Variants in UBL3 observed in about 807,000 individuals in gnomAD.
UBL3 encodes ubiquitin like 3, also known as ubiquitin-like protein 3.
A neutral mutation model predicts 18.4 loss-of-function variants in UBL3; 6 were observed. That is an observed-to-expected ratio of 0.33 (90% CI 0.18 to 0.64). The LOEUF (loss-of-function observed/expected upper bound fraction) is 0.64. UBL3 is among the 30% of genes least tolerant of loss of function. The probability of loss-of-function intolerance (pLI) is 0.76; values close to 1 mark genes in which losing one functional copy is unlikely to be tolerated. For missense variants in UBL3, 109 were observed against 142.9 expected, an observed-to-expected ratio of 0.76 and a Z score of 1.21; for synonymous variants, 49 against 46.6, an observed-to-expected ratio of 1.05 and a Z score of -0.21.
chr13:29,782,659 G>A (rs987349924), intron 1 of UBL3, among the ~76,000 whole-genome samples: 1 of 152,162 alleles, frequency 6.6e-6, no homozygotes, highest in Non-Finnish European at 1.5e-5. Flanking sequence ...GAGTTTGAAA[G>A]TAGTTTGGAA....
intron 1 of UBL3, among the ~76,000 whole-genome samples, chr13:29,782,399 A>T (rs1226891541): frequency 6.6e-6 from 1 of 152,166 alleles, no homozygotes; most frequent in African/African-American, 2.4e-5. Context: ...CTGATATTAC[A>T]CTTTCATATT....
intron 1 of UBL3, among the ~76,000 whole-genome samples, chr13:29,801,769 C>T (rs1664812060): frequency 6.6e-6 from 1 of 152,230 alleles, no homozygotes; most frequent in Admixed American, 6.5e-5. Context: ...TTCCCCATTG[C>T]TCAACGTCAC....
At chr13:29,796,565 T>C (rs1877619028) in intron 1 of UBL3, among the ~76,000 whole-genome samples, 1 of 152,184 alleles carries the variant, frequency 6.6e-6, no homozygotes, top group South Asian at 2.1e-4. Context: ...TTATAAGCAT[T>C]TCTCCTAAAA....
intron 1 of UBL3, among the ~76,000 whole-genome samples, chr13:29,828,431 T>C (rs1426488298): frequency 6.6e-6 from 1 of 152,210 alleles, no homozygotes; most frequent in Non-Finnish European, 1.5e-5. Flanking sequence ...TCATTTGATC[T>C]TCAATCACTG....
At chr13:29,819,264 C>A (rs1159777631) in intron 1 of UBL3, among the ~76,000 whole-genome samples, 1 of 152,190 alleles carries the variant, frequency 6.6e-6, no homozygotes, top group Non-Finnish European at 1.5e-5. Context: ...GAGAGTTAAA[C>A]CCCATGTTTA....
chr13:29,832,585 T>G (rs1234165300), intron 1 of UBL3, among the ~76,000 whole-genome samples: 2 of 152,188 alleles, frequency 1.3e-5, no homozygotes, highest in African/African-American at 4.8e-5. Flanking sequence ...AGCAGTAGAC[T>G]GTATAACAAA....
chr13:29,807,426 T>C (rs1015184727), intron 1 of UBL3, among the ~76,000 whole-genome samples: 1 of 152,224 alleles, frequency 6.6e-6, no homozygotes, highest in Non-Finnish European at 1.5e-5. Flanking sequence ...TCCTGAGTTC[T>C]GTGATTTAAG....
intron 1 of UBL3, among the ~76,000 whole-genome samples, chr13:29,790,242 A>G (rs762537882): frequency 2.6e-5 from 4 of 152,258 alleles, no homozygotes; most frequent in African/African-American, 4.8e-5. Flanking sequence ...TAAACATTCA[A>G]TAATGACCAA....
chr13:29,787,252 A>C (rs1037221458), intron 1 of UBL3, among the ~76,000 whole-genome samples: 6 of 152,162 alleles, frequency 3.9e-5, no homozygotes, highest in Non-Finnish European at 8.8e-5. Context: ...TATAAAACTC[A>C]CAATTCATAA....
In UBL3 at chr13:29,767,295, C is replaced by G; in HGVS notation, c.314G>C (p.Arg105Pro). The change falls in exon 5 of 5, where the codon CGT (arginine) becomes CCT (proline). Residue 105 changes from arginine to proline, a missense_variant. By Grantham distance (103) the Arg-to-Pro change is moderately radical. Transcript: ENST00000380680. ...PEPNSQGQRN[R>P]EKTGESNCCV... The stretch of plus-strand genomic sequence containing the variant: ...ACAATTACTCTCTCCAGTCTTCTCA[C>G]GATTCCTCTGACCTAGGGAAAACGA... 1.2e-6 allele frequency: 2 copies of G among 1,613,132 alleles called. No homozygotes were observed. Among genetic ancestry groups the G allele is most frequent in the Non-Finnish European group, 1.7e-6 (2 of 1,179,336 alleles).
At chr13:29,828,889 T>C (rs1466594679) in intron 1 of UBL3, among the ~76,000 whole-genome samples, 2 of 152,326 alleles carry the variant, frequency 1.3e-5, no homozygotes, top group Non-Finnish European at 1.5e-5. Context: ...GTTTTCCTTC[T>C]AAGAGTCAGG....
At chr13:29,805,781 A>G (rs2139336655) in intron 1 of UBL3, among the ~76,000 whole-genome samples, 1 of 152,362 alleles carries the variant, frequency 6.6e-6, no homozygotes, top group Non-Finnish European at 1.5e-5. Context: ...AGACTTTTAA[A>G]TAAATTCTTA....
At chr13:29,801,839 C>G (rs1439484867) in intron 1 of UBL3, among the ~76,000 whole-genome samples, 2 of 152,200 alleles carry the variant, frequency 1.3e-5, no homozygotes, top group Admixed American at 6.5e-5. Context: ...GCCGAACACA[C>G]TGATTGATAG....
intron 2 of UBL3, among the ~76,000 whole-genome samples, chr13:29,772,422 A>G (rs966665213): frequency 3.3e-5 from 5 of 152,100 alleles, no homozygotes; most frequent in African/African-American, 1.2e-4. Flanking sequence ...TTTGCTTCTT[A>G]AAGAATACTA....
At chr13:29,779,283 A>G in intron 1 of UBL3, 1 of 493,256 alleles carries the variant, frequency 2.0e-6, no homozygotes, top group Non-Finnish European at 4.0e-6. Flanking sequence ...ATGTATGAAT[A>G]ACAAATACAT....
intron 1 of UBL3, among the ~76,000 whole-genome samples, chr13:29,835,119 T>A (rs185648767): frequency 0.045 from 919 of 20,414 alleles, 56 homozygotes; most frequent in Non-Finnish European, 0.053. Context: ...TATATATATA[T>A]ATATAAATAT....
chr13:29,796,449 T>C (rs1437467288), intron 1 of UBL3, among the ~76,000 whole-genome samples: 1 of 152,198 alleles, frequency 6.6e-6, no homozygotes, highest in Non-Finnish European at 1.5e-5. Flanking sequence ...CACTAACTGC[T>C]GGTGAATCTT....
Position 29,811,176 on chromosome 13 carries a change from AG to A in UBL3, c.28-33914del, listed in dbSNP as rs368238732. On this transcript the variant is annotated intron_variant, in intron 1 of 4. Coordinates refer to ENST00000380680, the MANE Select transcript of UBL3 (RefSeq NM_007106.4). Reference sequence around the variant, plus strand: ...ACTAAGGAAAGCAGAGCAAGTAGACAGGAGGATACTGGTCCCTCGAGGGTAC... The same window carrying A: ...ACTAAGGAAAGCAGAGCAAGTAGACAGAGGATACTGGTCCCTCGAGGGTAC... Among the ~76,000 whole-genome samples, 139 of 152,206 alleles carry A rather than the reference AG, an allele frequency of 9.1e-4. 1 individual carries two copies. Among genetic ancestry groups the A allele is most frequent in the African/African-American group, 3.3e-3 (137 of 41,560 alleles).
intron 1 of UBL3, among the ~76,000 whole-genome samples, chr13:29,780,386 A>C (rs191552857): frequency 8.6e-5 from 10 of 116,720 alleles, no homozygotes; most frequent in African/African-American, 3.1e-4. Context: ...ATATATATAT[A>C]TATATGTGTG....
Sources: allele counts gnomAD v4.1 joint callset (sites outside exome capture counted in the v4.1 genomes callset), GRCh38; gene constraint gnomAD v4.1.1; transcripts MANE v1.5; gene names NCBI Gene and HGNC (gene_info 2026-07-23, HGNC 2026-07-21).